MYO3A: variants seen among roughly 807,000 people sequenced by gnomAD.
The protein encoded by MYO3A is myosin IIIA.
In MYO3A, 180 loss-of-function variants were observed where a neutral mutation model predicts 192.7. That is an observed-to-expected ratio of 0.93 (90% confidence interval 0.83 to 1.06). The LOEUF (loss-of-function observed/expected upper bound fraction) is 1.06. Ranked by LOEUF, MYO3A falls within the 50% of genes least tolerant of loss-of-function variation. MYO3A has a pLI of 0.00. For synonymous variants in MYO3A, 628 were observed against 645.3 expected (o/e 0.97, Z 0.41); for missense variants, 1,896 against 1,905.0 (o/e 1.00, Z 0.09).
rs537846606 is a variant in MYO3A at position 26,128,521 on chromosome 10, G to A, written c.2245G>A (p.Val749Met). The A allele has an allele frequency of 1.7e-5, 27 of 1,611,522 alleles. No homozygotes were observed. In the East Asian group the frequency reaches 5.1e-4, roughly 31 times the overall value. Residue 749 changes from valine to methionine, a missense_variant, in exon 20 of 35, where the codon GTG (valine) becomes ATG (methionine). Val to Met is a conservative substitution (Grantham distance 21, BLOSUM62 1). Transcript: ENST00000642920. ...EQIQYYYNQH[V>M]FAWEQNEYLN... ...AATTCAGTATTATTATAATCAACATGTGTTTGCATGGGAACAGGTAAGTCT... is the reference window on the plus strand; with the variant it reads ...AATTCAGTATTATTATAATCAACATATGTTTGCATGGGAACAGGTAAGTCT...
intron 7 of MYO3A, 137 bp from the exon 8 acceptor site, chr10:26,021,366 C>T (rs1271810413): frequency 9.8e-7 from 1 of 1,015,594 alleles, no homozygotes; most frequent in African/African-American, 1.6e-5. Context: ...TATTCTCCTC[C>T]TAAGTTACTG....
intron 14 of MYO3A, among the ~76,000 whole-genome samples, chr10:26,071,062 T>C (rs1268068442): frequency 2.0e-5 from 3 of 151,570 alleles, no homozygotes; most frequent in African/African-American, 7.3e-5. Context: ...GACTCAAAAA[T>C]ATATATTGAA....
intron 32 of MYO3A, among the ~76,000 whole-genome samples, chr10:26,194,791 C>T (rs769050614): frequency 1.6e-4 from 24 of 152,160 alleles, no homozygotes; most frequent in Non-Finnish European, 3.1e-4. Flanking sequence ...GAATCTTGAT[C>T]GCTGGCTTAG....
At chr10:26,156,976 G>T (rs191336129) in intron 25 of MYO3A, among the ~76,000 whole-genome samples, 1 of 152,142 alleles carries the variant, frequency 6.6e-6, no homozygotes, top group Non-Finnish European at 1.5e-5. Context: ...TTATAATTTG[G>T]TAAGTTAGCC....
intron 15 of MYO3A, among the ~76,000 whole-genome samples, chr10:26,095,516 A>G (rs548192677): frequency 5.3e-5 from 8 of 152,238 alleles, no homozygotes; most frequent in African/African-American, 1.7e-4. Flanking sequence ...AGATGGGGAA[A>G]CTATAGAGCA....
chr10:26,010,430 A>G (rs1039239287), intron 6 of MYO3A, among the ~76,000 whole-genome samples: 6 of 150,186 alleles, frequency 4.0e-5, no homozygotes, highest in African/African-American at 1.2e-4. Flanking sequence ...TATAGCATCC[A>G]TGAGATAGAC....
At chr10:25,997,291 TC>T in intron 6 of MYO3A, 33 bp downstream of exon 6, 1 of 1,420,184 alleles carries the variant, frequency 7.0e-7, no homozygotes, top group Non-Finnish European at 1.0e-6. Context: ...GAGTTTTAAC[TC>T]CATAATGAAC....
At chr10:26,051,583 AAT>A (rs1169038669) in intron 10 of MYO3A, among the ~76,000 whole-genome samples, 7 of 148,182 alleles carry the variant, frequency 4.7e-5, no homozygotes, top group African/African-American at 7.3e-5. Context: ...TTTATATATT[AAT>A]ATATAGTATA....
At chr10:26,066,673 T>G (rs1446004507) in intron 10 of MYO3A, among the ~76,000 whole-genome samples, 3 of 152,232 alleles carry the variant, frequency 2.0e-5, no homozygotes, top group African/African-American at 7.2e-5. Context: ...CTCATCACCT[T>G]GTAACAGATT....
At chr10:25,981,352 G>A (rs151190906) in intron 4 of MYO3A, among the ~76,000 whole-genome samples, 35 of 151,920 alleles carry the variant, frequency 2.3e-4, no homozygotes, top group Non-Finnish European at 3.5e-4. Context: ...AAACTATAAC[G>A]TTCCTAAGGA....
intron 6 of MYO3A, among the ~76,000 whole-genome samples, chr10:26,014,871 C>G (rs959101651): frequency 7.2e-5 from 11 of 152,068 alleles, no homozygotes; most frequent in African/African-American, 2.7e-4. Flanking sequence ...AAATTGAGTT[C>G]CCAGAAGTTG....
chr10:26,152,292 C>T (rs1467555780), intron 23 of MYO3A, among the ~76,000 whole-genome samples: 1 of 152,216 alleles, frequency 6.6e-6, no homozygotes, highest in Non-Finnish European at 1.5e-5. Flanking sequence ...GTGCTAGGCA[C>T]CGTGCTAAGC....
chr10:26,046,282 G>A (rs1397915514), intron 10 of MYO3A, among the ~76,000 whole-genome samples: 1 of 152,138 alleles, frequency 6.6e-6, no homozygotes, highest in East Asian at 1.9e-4. Context: ...AATTGAAATG[G>A]GTTGGAGGAC....
intron 14 of MYO3A, among the ~76,000 whole-genome samples, chr10:26,080,584 T>G: frequency 7.3e-6 from 1 of 136,126 alleles, no homozygotes; most frequent in Non-Finnish European, 1.6e-5. Flanking sequence ...ACTAGTGTAA[T>G]TTTTTTGGGG....
Position 26,212,066 on chromosome 10 carries a change from G to A in MYO3A, c.*103G>A, listed in dbSNP as rs1250865957. 2.7e-6 allele frequency: 4 copies of A among 1,479,008 alleles called. No homozygotes were observed. Among genetic ancestry groups the A allele is most frequent in the Non-Finnish European group, 2.7e-6 (3 of 1,102,832 alleles). 91.6% of individuals were successfully genotyped at this position (1,479,008 alleles called of 1,614,324 possible). ...GCTGGCACCAGCAGGCACTGAAGCT[G>A]CGGCCCTGATCTCCGCAGAGGCTGC... On this transcript the variant is annotated 3_prime_UTR_variant, in exon 35 of 35. Transcript: ENST00000642920.
At chr10:26,010,003 C>G (rs760087391) in intron 6 of MYO3A, among the ~76,000 whole-genome samples, 1 of 152,152 alleles carries the variant, frequency 6.6e-6, no homozygotes, top group Non-Finnish European at 1.5e-5. Flanking sequence ...AGGTCCAGTA[C>G]TGGACATATG....
Position 26,088,387 on chromosome 10 carries a change from G to A in MYO3A, c.1544G>A (p.Arg515Gln), listed in dbSNP as rs200209381. ...TCTGAATATCTCCTGGAAAAATCCC[G>A]AGTTATCCACCAAGCTATGTAAGTT... ...QISEYLLEKS[R>Q]VIHQAIGEKN... Residue 515 changes from arginine to glutamine, a missense_variant, in exon 15 of 35, where the codon CGA becomes CAA. Transcript: ENST00000642920. The A allele has an allele frequency of 1.4e-5, 23 of 1,613,554 alleles. No individual in the cohort carries two copies. Among genetic ancestry groups the A allele is most frequent in the Non-Finnish European group, 1.7e-5 (20 of 1,179,722 alleles).
intron 32 of MYO3A, among the ~76,000 whole-genome samples, chr10:26,199,132 C>G (rs555232593): frequency 6.6e-6 from 1 of 152,234 alleles, no homozygotes; most frequent in South Asian, 2.1e-4. Flanking sequence ...GCACCTACTT[C>G]CTTTGCCTCC....
intron 15 of MYO3A, among the ~76,000 whole-genome samples, chr10:26,090,994 C>G (rs550288067): frequency 1.3e-5 from 2 of 152,292 alleles, no homozygotes; most frequent in East Asian, 3.9e-4. Context: ...AGGGAGAGAG[C>G]AAGGGGATAA....
Sources: gnomAD v4.1 joint callset for allele counts (sites outside exome capture counted in the v4.1 genomes callset) on GRCh38, gnomAD v4.1.1 for gene constraint, MANE v1.5 for transcripts, NCBI Gene and HGNC (gene_info 2026-07-23, HGNC 2026-07-21) for gene names.